LRFN2: variants seen among roughly 807,000 people sequenced by gnomAD.
LRFN2 encodes leucine rich repeat and fibronectin type III domain containing 2.
LRFN2 carries 18 observed loss-of-function variants against 37.3 expected under a neutral mutation model. That is an observed-to-expected ratio of 0.48 (90% CI 0.33 to 0.72). The LOEUF (loss-of-function observed/expected upper bound fraction) is 0.72. Among genes scored for constraint, LRFN2 ranks in the 30% least tolerant of loss-of-function variants. The pLI is 0.02. For synonymous variants in LRFN2, 556 were observed against 466.6 expected (o/e 1.19, Z -2.47); for missense variants, 1,006 against 1,060.7 (o/e 0.95, Z 0.72).
At chr6:40,395,364 A>G (rs1482443836) in intron 2 of LRFN2, among the ~76,000 whole-genome samples, 3 of 152,038 alleles carry the variant, frequency 2.0e-5, no homozygotes, top group East Asian at 3.9e-4. Context: ...ATTTTTCCTC[A>G]TTTCAGTGAA....
intron 1 of LRFN2, among the ~76,000 whole-genome samples, chr6:40,539,621 T>C (rs1232283514): frequency 6.6e-6 from 1 of 152,252 alleles, no homozygotes; most frequent in Non-Finnish European, 1.5e-5. Flanking sequence ...GGGAGGCACA[T>C]CCCAAGTGCA....
At chr6:40,525,191 G>A (rs1014449959) in intron 1 of LRFN2, among the ~76,000 whole-genome samples, 9 of 152,172 alleles carry the variant, frequency 5.9e-5, no homozygotes, top group African/African-American at 1.9e-4. Flanking sequence ...TCCAGGAGGG[G>A]AGCAGGACAC....
intron 1 of LRFN2, among the ~76,000 whole-genome samples, chr6:40,492,139 AC>A (rs1387395798): frequency 6.6e-6 from 1 of 152,200 alleles, no homozygotes; most frequent in East Asian, 1.9e-4. Context: ...GGTCTAAGGT[AC>A]CTTTGAGCCA....
intron 1 of LRFN2, among the ~76,000 whole-genome samples, chr6:40,506,418 AT>A (rs1427295179): frequency 6.6e-6 from 1 of 152,234 alleles, no homozygotes; most frequent in East Asian, 1.9e-4. Flanking sequence ...AAAGAAAAAA[AT>A]ATAAGGATAC....
At chr6:40,437,260 T>C (rs1194849858) in intron 1 of LRFN2, among the ~76,000 whole-genome samples, 1 of 152,180 alleles carries the variant, frequency 6.6e-6, no homozygotes, top group East Asian at 1.9e-4. Flanking sequence ...CTCTGCATTC[T>C]GGGAGGCTGA....
intron 1 of LRFN2, among the ~76,000 whole-genome samples, chr6:40,545,760 G>T (rs922765710): frequency 2.6e-5 from 4 of 152,140 alleles, no homozygotes; most frequent in African/African-American, 9.7e-5. Flanking sequence ...ACTTGGAGGA[G>T]GAATGAAGCC....
chr6:40,474,719 AC>A lies in LRFN2; in HGVS notation c.-18-41589del, dbSNP rs1277354156. ...TGGCCAGGCTGGTCTTGAACTCCTG[AC>A]CCCAAGTGATCCTCCCACCTTGGCC... On this transcript the variant is annotated intron_variant, in intron 1 of 2. Transcript: ENST00000338305. Among the ~76,000 whole-genome samples the A allele has an allele frequency of 2.6e-5, 4 of 152,120 alleles. No homozygotes were observed. In the East Asian group the frequency reaches 7.7e-4, roughly 29 times the overall value.
At position 40,432,047 on chromosome 6, in the gene LRFN2, G is replaced by T; in HGVS notation, c.1067C>A (p.Ala356Asp). 6.2e-7 allele frequency: 1 copy of T among 1,614,034 alleles called. No homozygotes were observed. The highest frequency in any genetic ancestry group is 8.5e-7 in the Non-Finnish European group (1 of 1,180,038). ...IFITTSQDSG[A>D]FTCIAANAAG... Reference sequence around the variant, plus strand: ...AGCATTGGCAGCAATGCAGGTGAAGGCACCACTGTCCTGAGATGTGGTGAT... The same window carrying T: ...AGCATTGGCAGCAATGCAGGTGAAGTCACCACTGTCCTGAGATGTGGTGAT... The change falls in exon 2 of 3, where the codon GCC becomes GAC. Residue 356 changes from alanine to aspartate, a missense_variant. Ala to Asp is a moderately radical substitution (Grantham distance 126, BLOSUM62 -2). This residue lies in a region of LRFN2 where 303 missense variants were observed against 299.8 expected (regional missense o/e 1.01). Coordinates refer to ENST00000338305, the MANE Select transcript of LRFN2 (RefSeq NM_020737.3).
At chr6:40,452,011 T>C (rs1271447329) in intron 1 of LRFN2, among the ~76,000 whole-genome samples, 1 of 152,184 alleles carries the variant, frequency 6.6e-6, no homozygotes, top group Non-Finnish European at 1.5e-5. Flanking sequence ...CCAACTAAGA[T>C]GACTTTATGG....
intron 2 of LRFN2, among the ~76,000 whole-genome samples, chr6:40,422,822 T>C (rs192176437): frequency 1.3e-5 from 2 of 152,308 alleles, no homozygotes; most frequent in Non-Finnish European, 2.9e-5. Context: ...GTACAATTAA[T>C]TGGACTGGTT....
At chr6:40,520,254 C>T (rs753547994) in intron 1 of LRFN2, among the ~76,000 whole-genome samples, 5 of 151,912 alleles carry the variant, frequency 3.3e-5, no homozygotes, top group East Asian at 1.9e-4. Context: ...TTCTGGCGTA[C>T]GGCAGTGATG....
chr6:40,566,088 A>G (rs1027519088), intron 1 of LRFN2, among the ~76,000 whole-genome samples: 2 of 152,240 alleles, frequency 1.3e-5, no homozygotes, highest in Admixed American at 1.3e-4. Context: ...ATGAACAGAC[A>G]CTTCTCAAAA....
intron 1 of LRFN2, among the ~76,000 whole-genome samples, chr6:40,480,595 C>T (rs978664433): frequency 2.0e-5 from 3 of 152,084 alleles, no homozygotes; most frequent in Non-Finnish European, 2.9e-5. Context: ...GACTCTTAAC[C>T]ACCATGTACA....
chr6:40,539,354 G>A (rs1045841407), intron 1 of LRFN2, among the ~76,000 whole-genome samples: 3 of 152,214 alleles, frequency 2.0e-5, no homozygotes, highest in Non-Finnish European at 2.9e-5. Flanking sequence ...CTGGCAGCCT[G>A]GCAGCTGACA....
In LRFN2 at chr6:40,398,501, G is replaced by A. The variant is rs143585988; in HGVS notation, c.1401-5589C>T. The stretch of plus-strand genomic sequence containing the variant: ...AGGCTTCCAGAGTGCAGGGCAAGGC[G>A]GAGGAGGGGAGAGTGGATCCCGAGG... On this transcript the variant is annotated intron_variant, in intron 2 of 2. Transcript: ENST00000338305. Among the ~76,000 whole-genome samples, 7 of 151,816 alleles carry A rather than the reference G, an allele frequency of 4.6e-5. No individual in the cohort carries two copies. The East Asian group carries it at 5.8e-4, about 13-fold the overall frequency.
At chr6:40,533,359 T>C (rs1273921111) in intron 1 of LRFN2, among the ~76,000 whole-genome samples, 1 of 145,248 alleles carries the variant, frequency 6.9e-6, no homozygotes, top group Admixed American at 6.9e-5. Context: ...TCTACTTTAC[T>C]CCTCTCTTGC....
chr6:40,542,340 C>G (rs1315520341), intron 1 of LRFN2, among the ~76,000 whole-genome samples: 2 of 151,898 alleles, frequency 1.3e-5, no homozygotes, highest in Non-Finnish European at 1.5e-5. Context: ...AGCAGGGGGT[C>G]ATTAAGGATG....
chr6:40,498,060 G>A (rs929649967), intron 1 of LRFN2, among the ~76,000 whole-genome samples: 1 of 152,224 alleles, frequency 6.6e-6, no homozygotes, highest in Non-Finnish European at 1.5e-5. Context: ...CTGGAGGAAA[G>A]TGGCAAGAAG....
chr6:40,450,372 AAG>A (rs768914306), intron 1 of LRFN2, among the ~76,000 whole-genome samples: 1 of 152,220 alleles, frequency 6.6e-6, no homozygotes, highest in Non-Finnish European at 1.5e-5. Context: ...GAGAGGAGTG[AAG>A]GCAGGTGACA....
Sources: allele counts gnomAD v4.1 joint callset (sites outside exome capture counted in the v4.1 genomes callset), GRCh38; gene constraint gnomAD v4.1.1; regional missense constraint gnomAD v4.1.1; transcripts MANE v1.5; gene names NCBI Gene and HGNC (gene_info 2026-07-23, HGNC 2026-07-21).